NAALADL2: variants seen among roughly 807,000 people sequenced by gnomAD.
NAALADL2 encodes the protein inactive N-acetylated-alpha-linked acidic dipeptidase-like protein 2.
A neutral mutation model predicts 87.2 loss-of-function variants in NAALADL2; 76 were observed. That is an observed-to-expected ratio of 0.87 (90% confidence interval 0.72 to 1.05). The LOEUF is 1.05. NAALADL2 is among the 50% of genes least tolerant of loss of function. The pLI, the probability that NAALADL2 is intolerant of heterozygous loss-of-function variation, is 0.00. For missense variants in NAALADL2, 1,089 were observed against 945.8 expected, an observed-to-expected ratio of 1.15 and a Z score of -1.99; for synonymous variants, 354 against 331.0, an observed-to-expected ratio of 1.07 and a Z score of -0.75.
intron 10 of NAALADL2, among the ~76,000 whole-genome samples, chr3:175,585,187 T>G (rs2149586042): frequency 6.6e-6 from 1 of 152,132 alleles, no homozygotes; most frequent in Non-Finnish European, 1.5e-5. Flanking sequence ...TGTTAAAAAC[T>G]AAGGCACAGA....
chr3:174,968,332 C>T (rs577470272), intron 1 of NAALADL2, among the ~76,000 whole-genome samples: 17 of 152,246 alleles, frequency 1.1e-4, no homozygotes, highest in South Asian at 8.3e-4. Flanking sequence ...TCATTTTCTG[C>T]CAACGCTGTG....
At chr3:175,238,669 C>T (rs1746329650) in intron 3 of NAALADL2, among the ~76,000 whole-genome samples, 1 of 152,066 alleles carries the variant, frequency 6.6e-6, no homozygotes, top group African/African-American at 2.4e-5. Context: ...AATACCTGCA[C>T]ATATTTTATA....
intron 11 of NAALADL2, among the ~76,000 whole-genome samples, chr3:175,710,067 G>A (rs968882691): frequency 2.0e-5 from 3 of 152,000 alleles, no homozygotes; most frequent in African/African-American, 7.2e-5. Flanking sequence ...ACCTGAACAT[G>A]TTCCAGTAGT....
chr3:175,179,423 A>G (rs1736144416), intron 2 of NAALADL2, among the ~76,000 whole-genome samples: 1 of 152,010 alleles, frequency 6.6e-6, no homozygotes, highest in African/African-American at 2.4e-5. Context: ...CTCTTTATTA[A>G]GACCACTATG....
intron 9 of NAALADL2, among the ~76,000 whole-genome samples, chr3:175,490,375 T>G (rs1224579356): frequency 1.3e-5 from 2 of 151,814 alleles, no homozygotes; most frequent in Non-Finnish European, 2.9e-5. Flanking sequence ...TATCTATTTG[T>G]TTTTTTGTTG....
At chr3:175,272,810 G>A (rs1018362678) in intron 4 of NAALADL2, among the ~76,000 whole-genome samples, 3 of 151,808 alleles carry the variant, frequency 2.0e-5, no homozygotes, top group Non-Finnish European at 4.4e-5. Flanking sequence ...CTGTTATCTT[G>A]GGTTATTTAT....
chr3:174,896,665 A>G (rs1731575310), intron 1 of NAALADL2, among the ~76,000 whole-genome samples: 1 of 152,164 alleles, frequency 6.6e-6, no homozygotes, highest in Non-Finnish European at 1.5e-5. Flanking sequence ...AGACAAAACA[A>G]TCCTAAAATT....
intron 5 of NAALADL2, among the ~76,000 whole-genome samples, chr3:175,417,709 G>A (rs1447637782): frequency 6.6e-6 from 1 of 152,050 alleles, no homozygotes; most frequent in Non-Finnish European, 1.5e-5. Flanking sequence ...CTTTACAAAG[G>A]CACTTCAGAG....
rs115363232 is a variant in NAALADL2, at chr3:175,304,083, T to C, written c.940-20092T>C. Among the ~76,000 whole-genome samples, 991 of 152,268 alleles carry C rather than the reference T, an allele frequency of 6.5e-3. 9 individuals carry two copies. The highest frequency in any genetic ancestry group is 0.023 in the African/African-American group (947 of 41,548). ...CAACCAAATCCAAATGTTGATTTTC[T>C]TATTAACAATTTCAAGACAAAGTAA... On this transcript the variant is annotated intron_variant, in intron 4 of 13. Coordinates refer to ENST00000454872, the MANE Select transcript of NAALADL2 (RefSeq NM_207015.3).
intron 2 of NAALADL2, among the ~76,000 whole-genome samples, chr3:175,147,041 A>C (rs2108759206): frequency 6.6e-6 from 1 of 152,328 alleles, no homozygotes; most frequent in Admixed American, 6.5e-5. Context: ...AACTCAACTA[A>C]GATCTTTTGA....
chr3:175,585,864 T>C (rs1484105570), intron 10 of NAALADL2, among the ~76,000 whole-genome samples: 1 of 152,216 alleles, frequency 6.6e-6, no homozygotes, highest in East Asian at 1.9e-4. Flanking sequence ...TATTTCCAAG[T>C]TGATTTTGGA....
chr3:175,325,337 A>G (rs1760574227), intron 5 of NAALADL2, among the ~76,000 whole-genome samples: 1 of 152,200 alleles, frequency 6.6e-6, no homozygotes, highest in Non-Finnish European at 1.5e-5. Context: ...TTTCTTCTAT[A>G]TGCTACAAAA....
At chr3:175,398,357 T>G (rs1439200732) in intron 5 of NAALADL2, among the ~76,000 whole-genome samples, 1 of 150,804 alleles carries the variant, frequency 6.6e-6, no homozygotes, top group Non-Finnish European at 1.5e-5. Context: ...TTTTTTTTTT[T>G]TTTTTTTTTC....
chr3:174,736,203 C>G (rs1180169973), intron 2 of NAALADL2, among the ~76,000 whole-genome samples: 1 of 152,120 alleles, frequency 6.6e-6, no homozygotes, highest in Non-Finnish European at 1.5e-5. Context: ...CAGCTCTTCT[C>G]TTCTTTCTTT....
chr3:175,133,117 G>C (rs1186650802), intron 2 of NAALADL2, among the ~76,000 whole-genome samples: 1 of 147,920 alleles, frequency 6.8e-6, no homozygotes, highest in Non-Finnish European at 1.5e-5. Context: ...CCACATCTCA[G>C]ACGATGGGCG....
At chr3:174,986,642 GCT>G (rs1293640549) in intron 1 of NAALADL2, among the ~76,000 whole-genome samples, 1 of 152,018 alleles carries the variant, frequency 6.6e-6, no homozygotes, top group Non-Finnish European at 1.5e-5. Flanking sequence ...TTATAAGGTG[GCT>G]CTCTAAAGTT....
intron 2 of NAALADL2, among the ~76,000 whole-genome samples, chr3:174,733,025 T>C (rs1006626116): frequency 6.6e-6 from 1 of 152,190 alleles, no homozygotes; most frequent in Non-Finnish European, 1.5e-5. Context: ...TAAAAGTCTA[T>C]GTATAGAGAA....
rs187503124 is a variant in NAALADL2, at chr3:174,526,965, C to T, written c.-183-23604C>T. Reference sequence around the variant, plus strand: ...TGCTGGGATTACAGGCATGAGCCACCGTGCCTGGCCTGAAATTTTTTATTA... The same window carrying T: ...TGCTGGGATTACAGGCATGAGCCACTGTGCCTGGCCTGAAATTTTTTATTA... On this transcript the variant is annotated intron_variant, in intron 1 of 3. Coordinates refer to the NAALADL2 transcript ENST00000434257. 9.8e-4 allele frequency among the ~76,000 whole-genome samples: 149 copies of T among 152,100 alleles called. No homozygotes were observed. The Middle Eastern group carries it at 0.01, about 10-fold the overall frequency.
chr3:175,292,826 A>G (rs1755808743), intron 4 of NAALADL2, among the ~76,000 whole-genome samples: 2 of 151,810 alleles, frequency 1.3e-5, no homozygotes, highest in South Asian at 2.1e-4. Flanking sequence ...TCTCGAGGTC[A>G]GGAGATCGAG....
Sources: allele counts gnomAD v4.1 joint callset (sites outside exome capture counted in the v4.1 genomes callset), GRCh38; gene constraint gnomAD v4.1.1; transcripts MANE v1.5; gene names NCBI Gene and HGNC (gene_info 2026-07-23, HGNC 2026-07-21).